The following RAB17 variants were observed in gnomAD, a reference collection of about 807,000 sequenced individuals.
RAB17 encodes RAB17, member RAS oncogene family, also known as ras-related protein Rab-17.
In RAB17, 15 loss-of-function variants were observed where a neutral mutation model predicts 19.3. The ratio of observed to expected loss-of-function variants is 0.78; its 90% confidence interval spans 0.52 to 1.20. The LOEUF (loss-of-function observed/expected upper bound fraction) is 1.20, where lower values mean the gene tolerates loss of function less well. RAB17 is among the 50% of genes most tolerant of loss of function. RAB17 has a pLI of 0.00. For synonymous variants in RAB17, 110 were observed against 112.8 expected, an observed-to-expected ratio of 0.97 and a Z score of 0.16; for missense variants, 262 against 269.3, an observed-to-expected ratio of 0.97 and a Z score of 0.19.
chr2:237,583,347 A>C (rs910634342), intron 2 of RAB17, among the ~76,000 whole-genome samples: 4 of 152,186 alleles, frequency 2.6e-5, no homozygotes, highest in Non-Finnish European at 1.5e-5. Flanking sequence ...ACATAATGAT[A>C]ATAATAAATT....
intron 2 of RAB17, 100 bp downstream of exon 2, chr2:237,585,898 G>A (rs561166630): frequency 7.7e-7 from 1 of 1,306,948 alleles, no homozygotes; most frequent in South Asian, 1.5e-5. Context: ...CCAGCATGGG[G>A]ATTCCTAGGT....
At chr2:237,586,668 A>G (rs2081352503) in intron 1 of RAB17, among the ~76,000 whole-genome samples, 1 of 152,222 alleles carries the variant, frequency 6.6e-6, no homozygotes. Flanking sequence ...CATTGTGTCT[A>G]AAGCCTCAGA....
chr2:237,583,837 G>A (rs999934978), intron 2 of RAB17, among the ~76,000 whole-genome samples: 3 of 152,116 alleles, frequency 2.0e-5, no homozygotes, highest in Non-Finnish European at 4.4e-5. Flanking sequence ...GGAGGCCCTG[G>A]CTTTCATCTG....
intron 2 of RAB17, among the ~76,000 whole-genome samples, chr2:237,583,981 A>AC (rs975535776): frequency 4.3e-5 from 6 of 138,070 alleles, no homozygotes; most frequent in South Asian, 2.4e-4. Context: ...AGCTTTGTTC[A>AC]CCCCCCGACC....
At chr2:237,586,499 T>C (rs2081351504) in intron 1 of RAB17, among the ~76,000 whole-genome samples, 1 of 143,390 alleles carries the variant, frequency 7.0e-6, no homozygotes, top group Non-Finnish European at 1.5e-5. Flanking sequence ...TTTTTACAAA[T>C]CTATTACTTG....
chr2:237,574,503 G>C lies in RAB17; in HGVS notation c.*516C>G, dbSNP rs766055129. 6.5e-6 allele frequency: 10 copies of C among 1,550,360 alleles called. No individual in the cohort carries two copies. The Admixed American group carries it at 1.2e-4, about 18-fold the overall frequency. On this transcript the variant is annotated 3_prime_UTR_variant, in exon 6 of 6. Transcript: ENST00000264601. The stretch of plus-strand genomic sequence containing the variant: ...ACTGCCCCCAGCTGCCCTTCCCAGG[G>C]GCAACTTCACCAAGATGTGGAAATC...
In RAB17 at chr2:237,577,402, G is replaced by C. The variant is rs1167588361; in HGVS notation, c.310-20C>G. 6.3e-7 allele frequency: 1 copy of C among 1,589,804 alleles called. No homozygotes were observed. On this transcript the variant is annotated intron_variant, in intron 3 of 5. Coordinates refer to ENST00000264601, the MANE Select transcript of RAB17 (RefSeq NM_022449.4). ...GGAATCCTAGAAAAGAAGAAAAAAA[G>C]TAACATCAAACAAAACTTATAGGTG...
chr2:237,580,215 A>G (rs953716594), intron 2 of RAB17, among the ~76,000 whole-genome samples: 2 of 152,240 alleles, frequency 1.3e-5, no homozygotes, highest in African/African-American at 4.8e-5. Flanking sequence ...GAAAGGGCAT[A>G]TGAATTTTGC....
chr2:237,576,949 G>T (rs1043296610), intron 4 of RAB17, among the ~76,000 whole-genome samples: 3 of 152,174 alleles, frequency 2.0e-5, no homozygotes, highest in Non-Finnish European at 4.4e-5. Context: ...AACTGCCATT[G>T]CACTGGGCCT....
rs1457699494 is a variant in RAB17 at position 237,577,307 on chromosome 2, G to C, written c.385C>G (p.Leu129Val). 6 of 1,613,824 alleles carry C rather than the reference G, an allele frequency of 3.7e-6. No homozygotes were observed. Among genetic ancestry groups the C allele is most frequent in the Non-Finnish European group, 5.1e-6 (6 of 1,179,942 alleles). Residue 129 changes from leucine (L) to valine (V), a missense_variant, in exon 4 of 6, where the codon CTG becomes GTG. Transcript: ENST00000264601. ...ELHPGEVLVM[L>V]VGNKTDLSQE... Reference sequence around the variant, plus strand: ...CTGAGGTCCGTCTTGTTGCCCACCAGCATCACCAGGACTTCTCCTGGGTGC... The same window carrying C: ...CTGAGGTCCGTCTTGTTGCCCACCACCATCACCAGGACTTCTCCTGGGTGC...
chr2:237,582,146 C>T (rs901490277), intron 2 of RAB17, among the ~76,000 whole-genome samples: 4 of 152,276 alleles, frequency 2.6e-5, no homozygotes, highest in African/African-American at 9.6e-5. Context: ...CTGGCTCCAG[C>T]CAGCACGTTG....
Position 237,574,555 on chromosome 2 carries a change from G to T in RAB17, c.*464C>A, listed in dbSNP as rs866206566. 3.2e-6 allele frequency: 5 copies of T among 1,549,870 alleles called. No homozygotes were observed. On this transcript the variant is annotated 3_prime_UTR_variant, in exon 6 of 6. Coordinates refer to ENST00000264601, the MANE Select transcript of RAB17 (RefSeq NM_022449.4). ...TGGGCCCACCCCACAGTCAGTCATC[G>T]CTCCATTTCTTCCTGGCACCACCAC...
chr2:237,578,185 C>A, intron 2 of RAB17, 30 bp from the exon 3 acceptor site: 1 of 1,585,764 alleles, frequency 6.3e-7, no homozygotes, highest in South Asian at 1.1e-5. Flanking sequence ...AGGGCTTACT[C>A]AGAGGACGAG....
rs371809449 is a variant in RAB17, at chr2:237,589,220, C to CA, written c.-4+1246dup. On this transcript the variant is annotated intron_variant, in intron 1 of 5. Coordinates refer to ENST00000264601, the MANE Select transcript of RAB17 (RefSeq NM_022449.4). Reference sequence around the variant, plus strand: ...GGGTGACAGAGCGAGAATCTGTCTCCAAAAAAAAAGGTTATTTTACTATAA... The same window carrying CA: ...GGGTGACAGAGCGAGAATCTGTCTCCAAAAAAAAAAGGTTATTTTACTATAA... 4.7e-3 allele frequency among the ~76,000 whole-genome samples: 658 copies of CA among 141,490 alleles called. 17 individuals carry two copies. Among genetic ancestry groups the CA allele is most frequent in the African/African-American group, 0.018 (622 of 34,880 alleles). The allele number at this position is 141,490 out of a possible 152,430, so 92.8% of individuals were successfully genotyped here.
chr2:237,574,543 C>G lies in RAB17; in HGVS notation c.*476G>C. 6.4e-7 allele frequency: 1 copy of G among 1,550,482 alleles called. No individual in the cohort carries two copies. Among genetic ancestry groups the G allele is most frequent in the Non-Finnish European group, 8.7e-7 (1 of 1,146,906 alleles). On this transcript the variant is annotated 3_prime_UTR_variant, in exon 6 of 6. Transcript: ENST00000264601. ...ATGTGGAAATCCTGGGCCCACCCCA[C>G]AGTCAGTCATCGCTCCATTTCTTCC...
chr2:237,577,288 T>A lies in RAB17; in HGVS notation c.404A>T (p.Asp135Val). 1 of 1,613,850 alleles carries A rather than the reference T, an allele frequency of 6.2e-7. No individual in the cohort carries two copies. The highest frequency in any genetic ancestry group is 1.1e-5 in the South Asian group (1 of 91,056). Residue 135 changes from aspartate (D) to valine (V), a missense_variant, in exon 4 of 6, where the codon GAC becomes GTC. By Grantham distance (152) the Asp-to-Val change is radical (BLOSUM62 -3). Transcript: ENST00000264601. ...VLVMLVGNKTDLSQEREVTFQ... is the reference protein window; with the variant it reads ...VLVMLVGNKTVLSQEREVTFQ... ...GGTCACCTCCCGCTCCTGGCTGAGG[T>A]CCGTCTTGTTGCCCACCAGCATCAC...
chr2:237,574,465 G>A lies in RAB17; in HGVS notation c.*554C>T, dbSNP rs1264079850. On this transcript the variant is annotated 3_prime_UTR_variant, in exon 6 of 6. Coordinates refer to ENST00000264601, the MANE Select transcript of RAB17 (RefSeq NM_022449.4). The stretch of plus-strand genomic sequence containing the variant: ...CATTGCCAGCCGGGAGACCATGGAA[G>A]GGAACTGGCGCCACTGCCCCCAGCT... 8 of 1,550,560 alleles carry A rather than the reference G, an allele frequency of 5.2e-6. No homozygotes were observed. The highest frequency in any genetic ancestry group is 7.0e-6 in the Non-Finnish European group (8 of 1,146,964).
chr2:237,586,009 G>A lies in RAB17; in HGVS notation c.146C>T (p.Pro49Leu), dbSNP rs532358731. ...CTGCCCTCACTTACAGCCCACCGTA[G>A]GCAGGATACTCTTGAAGTCGTTCTT... The part of the protein sequence containing the change: ...YVKNDFKSIL[P>L]TVGCAFFTKV... Residue 49 changes from proline (P) to leucine (L), a missense_variant, in exon 2 of 6, where the codon CCT (proline) becomes CTT (leucine). Pro to Leu is a moderately conservative substitution (Grantham distance 98). Coordinates refer to ENST00000264601, the MANE Select transcript of RAB17 (RefSeq NM_022449.4). 2.3e-5 allele frequency: 37 copies of A among 1,609,180 alleles called. No individual in the cohort carries two copies. In the African/African-American group the frequency reaches 4.8e-4, roughly 21 times the overall value.
chr2:237,583,751 C>T (rs111242974), intron 2 of RAB17, among the ~76,000 whole-genome samples: 1 of 152,186 alleles, frequency 6.6e-6, no homozygotes, highest in African/African-American at 2.4e-5. Context: ...AAAGGCAGAG[C>T]CCAGCCTGTA....
Sources: gnomAD v4.1 joint callset for allele counts (sites outside exome capture counted in the v4.1 genomes callset) on GRCh38, gnomAD v4.1.1 for gene constraint, MANE v1.5 for transcripts, NCBI Gene and HGNC (gene_info 2026-07-23, HGNC 2026-07-21) for gene names.